GLT1D1: variants seen among roughly 807,000 people sequenced by gnomAD.
GLT1D1 encodes the protein glycosyltransferase 1 domain containing 1.
A neutral mutation model predicts 28.7 loss-of-function variants in GLT1D1; 21 were observed. That is an observed-to-expected ratio of 0.73 (90% CI 0.52 to 1.05). GLT1D1 has a LOEUF of 1.05. Among genes scored for constraint, GLT1D1 ranks in the 50% least tolerant of loss-of-function variants. The probability of loss-of-function intolerance (pLI) is 0.00; values close to 1 mark genes in which losing one functional copy is unlikely to be tolerated. For missense variants in GLT1D1, 343 were observed against 330.6 expected (o/e 1.04, Z -0.29); for synonymous variants, 147 against 124.8 (o/e 1.18, Z -1.19).
chr12:128,948,527 A>G (rs553717454), intron 6 of GLT1D1, among the ~76,000 whole-genome samples: 2 of 152,302 alleles, frequency 1.3e-5, no homozygotes, highest in Admixed American at 1.3e-4. Context: ...GGCACGTGAT[A>G]AAGCCTGTTT....
chr12:128,875,926 G>T lies in GLT1D1; in HGVS notation c.81G>T (p.Glu27Asp). ...TTTTTTGATAAAGGGCCCATCTAGA[G>T]GCTGCAGGGCACGTGTGCGTTTTGA... Residue 27 changes from glutamate to aspartate, a missense_variant, in exon 2 of 8, where the codon GAG (glutamate) becomes GAT (aspartate). Glu to Asp is a conservative substitution (Grantham distance 45). Transcript: ENST00000281703. The T allele has an allele frequency of 6.2e-7, 1 of 1,613,684 alleles. No individual in the cohort carries two copies. Among genetic ancestry groups the T allele is most frequent in the Non-Finnish European group, 8.5e-7 (1 of 1,179,790 alleles).
intron 7 of GLT1D1, among the ~76,000 whole-genome samples, chr12:128,965,529 G>T (rs895885381): frequency 3.3e-5 from 5 of 152,060 alleles, no homozygotes; most frequent in Non-Finnish European, 5.9e-5. Flanking sequence ...ATACATGGAT[G>T]TCATTCTAAG....
intron 7 of GLT1D1, among the ~76,000 whole-genome samples, chr12:128,971,992 T>G (rs1416114316): frequency 7.5e-6 from 1 of 132,932 alleles, no homozygotes; most frequent in Non-Finnish European, 1.7e-5. Context: ...GAGAATGGTC[T>G]CTGTGGTTTT....
At chr12:128,948,124 G>A (rs896073091) in intron 6 of GLT1D1, among the ~76,000 whole-genome samples, 4 of 152,138 alleles carry the variant, frequency 2.6e-5, no homozygotes, top group African/African-American at 9.7e-5. Flanking sequence ...CCCTGGCTGG[G>A]CTGTGTCCCC....
intron 1 of GLT1D1, among the ~76,000 whole-genome samples, chr12:128,856,774 C>G (rs1956236400): frequency 6.6e-6 from 1 of 151,862 alleles, no homozygotes; most frequent in South Asian, 2.1e-4. Context: ...AACAAGAAAA[C>G]AAAAAAAGAT....
chr12:128,926,780 G>T (rs2675947), intron 4 of GLT1D1, among the ~76,000 whole-genome samples: 53,875 of 152,056 alleles, frequency 0.35, 10,143 homozygotes, highest in East Asian at 0.67. Context: ...TTGGAGTTTT[G>T]GTTATTGTTT....
In GLT1D1 at chr12:128,874,567, G is replaced by A. The variant is rs116862321; in HGVS notation, c.69-1347G>A. 1.5e-4 allele frequency among the ~76,000 whole-genome samples: 22 copies of A among 144,396 alleles called. No homozygotes were observed. The East Asian group carries it at 3.4e-3, about 22-fold the overall frequency. 94.7% of individuals were successfully genotyped at this position (144,396 alleles called of 152,430 possible). ...GCACAGTCGTAGCTCACTCAGCCTCGACCTCATAGGCTCAAGCAGTAGTCC... is the reference window on the plus strand; with the variant it reads ...GCACAGTCGTAGCTCACTCAGCCTCAACCTCATAGGCTCAAGCAGTAGTCC... On this transcript the variant is annotated intron_variant, in intron 1 of 7. Transcript: ENST00000281703.
chr12:128,903,725 T>A (rs559545912), intron 4 of GLT1D1, among the ~76,000 whole-genome samples: 56 of 151,710 alleles, frequency 3.7e-4, no homozygotes, highest in South Asian at 1.7e-3. Context: ...TTGGTTTTTT[T>A]AAATATTTTT....
chr12:128,952,551 C>T (rs1876817231), intron 6 of GLT1D1, among the ~76,000 whole-genome samples: 1 of 151,148 alleles, frequency 6.6e-6, no homozygotes, highest in Non-Finnish European at 1.5e-5. Context: ...ACCCCAACCT[C>T]CACCTCCCAG....
chr12:128,875,827 A>G, intron 1 of GLT1D1, 87 bp from the exon 2 acceptor site: 1 of 1,297,462 alleles, frequency 7.7e-7, no homozygotes, highest in Admixed American at 2.3e-5. Flanking sequence ...ACAACCAAAA[A>G]AAAAAAAAGT....
intron 6 of GLT1D1, among the ~76,000 whole-genome samples, chr12:128,952,605 G>A (rs1321822700): frequency 6.6e-6 from 1 of 150,718 alleles, no homozygotes; most frequent in African/African-American, 2.4e-5. Context: ...TAACTGGGAT[G>A]ACAGGCCTGC....
At chr12:128,866,841 G>C (rs892573629) in intron 1 of GLT1D1, among the ~76,000 whole-genome samples, 1 of 151,374 alleles carries the variant, frequency 6.6e-6, no homozygotes, top group Non-Finnish European at 1.5e-5. Flanking sequence ...GGCTGGTCTT[G>C]AACTCCTGAC....
chr12:128,867,788 C>A (rs896962057), intron 1 of GLT1D1, among the ~76,000 whole-genome samples: 12 of 152,188 alleles, frequency 7.9e-5, no homozygotes, highest in African/African-American at 2.6e-4. Context: ...ATTGAAATGG[C>A]GGAGCATGGA....
chr12:128,964,794 G>A (rs951415161), intron 7 of GLT1D1, among the ~76,000 whole-genome samples: 1 of 152,180 alleles, frequency 6.6e-6, no homozygotes, highest in Non-Finnish European at 1.5e-5. Context: ...TGTGCAGGGT[G>A]AGGTTTAAGG....
chr12:128,982,986 G>T lies in GLT1D1; in HGVS notation c.697G>T (p.Val233Leu). The change falls in exon 8 of 8, where the codon GTA becomes TTA. Residue 233 changes from valine (V) to leucine (L), a missense_variant. Coordinates refer to ENST00000281703, the MANE Select transcript of GLT1D1 (RefSeq NM_144669.3). ...TGATCCTGCATTAGAAAAGGAAATCGTAGTGAACGGAAGGGAATACGTGAG... is the reference window on the plus strand; with the variant it reads ...TGATCCTGCATTAGAAAAGGAAATCTTAGTGAACGGAAGGGAATACGTGAG... 1.2e-6 allele frequency: 2 copies of T among 1,613,972 alleles called. No homozygotes were observed. Among genetic ancestry groups the T allele is most frequent in the Non-Finnish European group, 1.7e-6 (2 of 1,179,820 alleles).
rs547822855 is a variant in GLT1D1 at position 128,880,593 on chromosome 12, T to A, written c.217+4531T>A. ...CACTTAGCAAAGTATCTGGGGACCT[T>A]CTCTGCACCAGTTGCAGACATTGAG... On this transcript the variant is annotated intron_variant, in intron 2 of 7. Transcript: ENST00000281703. 2.0e-5 allele frequency among the ~76,000 whole-genome samples: 3 copies of A among 152,344 alleles called. No individual in the cohort carries two copies. In the South Asian group the frequency reaches 6.2e-4, roughly 32 times the overall value.
chr12:128,875,984 A>G lies in GLT1D1; in HGVS notation c.139A>G (p.Ile47Val), dbSNP rs747342544. ...CTTTGACTTTGAAAGCCGATCTGAGATTGCAAACCTCATCTTGGCTGAGAA... is the reference window on the plus strand; with the variant it reads ...CTTTGACTTTGAAAGCCGATCTGAGGTTGCAAACCTCATCTTGGCTGAGAA... Residue 47 changes from isoleucine (I) to valine (V), a missense_variant, in exon 2 of 8, where the codon ATT becomes GTT. Physicochemically the swap from Ile to Val is conservative, Grantham distance 29 (BLOSUM62 3). Transcript: ENST00000281703. The G allele has an allele frequency of 6.2e-7, 1 of 1,613,902 alleles. No homozygotes were observed. The highest frequency in any genetic ancestry group is 1.1e-5 in the South Asian group (1 of 91,076).
intron 4 of GLT1D1, chr12:128,944,806 G>GTA (rs138322800): frequency 0.021 from 4,744 of 223,736 alleles, 79 homozygotes; most frequent in South Asian, 0.066. Flanking sequence ...ATATATATAT[G>GTA]TATATATATA....
chr12:128,903,007 G>A (rs1003572667), intron 4 of GLT1D1, among the ~76,000 whole-genome samples: 1 of 148,382 alleles, frequency 6.7e-6, no homozygotes, highest in Non-Finnish European at 1.5e-5. Flanking sequence ...TGGTGCCACT[G>A]CAAGACTCCG....
Sources: allele counts gnomAD v4.1 joint callset (sites outside exome capture counted in the v4.1 genomes callset), GRCh38; gene constraint gnomAD v4.1.1; transcripts MANE v1.5; gene names NCBI Gene and HGNC (gene_info 2026-07-23, HGNC 2026-07-21).